ADAM12: variants seen among roughly 807,000 people sequenced by gnomAD.
ADAM12 encodes the protein disintegrin and metalloproteinase domain-containing protein 12.
Under a neutral mutation model 106.4 loss-of-function variants are expected in ADAM12, and 70 were observed. That is an observed-to-expected ratio of 0.66 (90% CI 0.54 to 0.80). The LOEUF is 0.80. ADAM12 is among the 30% of genes least tolerant of loss of function. The probability of loss-of-function intolerance (pLI) is 0.00; values close to 1 mark genes in which losing one functional copy is unlikely to be tolerated. For synonymous variants in ADAM12, 420 were observed against 433.5 expected (o/e 0.97, Z 0.39); for missense variants, 1,010 against 1,171.9 (o/e 0.86, Z 2.02).
At position 126,034,666 on chromosome 10, in the gene ADAM12, C is replaced by T. The variant is rs779425031; in HGVS notation, c.2529+1480G>A. On this transcript the variant is annotated intron_variant, in intron 21 of 22. Coordinates refer to ENST00000448723, the MANE Select transcript of ADAM12 (RefSeq NM_001288973.2). ...AAATCTATATGCTGTCTACAAGAAA[C>T]GCTTTTCAAATGTAATTCCATAGGT... 4.6e-5 allele frequency among the ~76,000 whole-genome samples: 7 copies of T among 152,062 alleles called. No individual in the cohort carries two copies. In the South Asian group the frequency reaches 8.3e-4, roughly 18 times the overall value.
intron 2 of ADAM12, among the ~76,000 whole-genome samples, chr10:126,302,696 T>C (rs545998708): frequency 6.6e-6 from 1 of 152,100 alleles, no homozygotes; most frequent in Non-Finnish European, 1.5e-5. Context: ...AAACCACCAA[T>C]GGTGAGGATG....
At chr10:126,230,317 C>A (rs992914152) in intron 3 of ADAM12, among the ~76,000 whole-genome samples, 1 of 152,180 alleles carries the variant, frequency 6.6e-6, no homozygotes, top group Non-Finnish European at 1.5e-5. Flanking sequence ...ATTTATCTGA[C>A]GTTCAATACA....
At chr10:126,083,368 G>A (rs972689976) in intron 11 of ADAM12, among the ~76,000 whole-genome samples, 5 of 152,192 alleles carry the variant, frequency 3.3e-5, no homozygotes, top group Non-Finnish European at 7.4e-5. Flanking sequence ...CAACCACACC[G>A]TCTCGAGGGC....
At chr10:126,019,931 C>A (rs1953732062) in intron 21 of ADAM12, 106 bp from the exon 22 acceptor site, 6 of 1,364,420 alleles carry the variant, frequency 4.4e-6, no homozygotes, top group Non-Finnish European at 5.9e-6. Flanking sequence ...TGAATATCAT[C>A]CTGTCACCAT....
intron 2 of ADAM12, among the ~76,000 whole-genome samples, chr10:126,328,380 T>C (rs545041204): frequency 6.6e-6 from 1 of 152,348 alleles, no homozygotes; most frequent in African/African-American, 2.4e-5. Flanking sequence ...TTTTGTATAC[T>C]GAAGATATAC....
At chr10:126,062,645 A>G (rs1468204602) in intron 14 of ADAM12, among the ~76,000 whole-genome samples, 1 of 152,120 alleles carries the variant, frequency 6.6e-6, no homozygotes, top group Non-Finnish European at 1.5e-5. Flanking sequence ...TGAGTCACAC[A>G]ATGGGGGTGG....
intron 3 of ADAM12, among the ~76,000 whole-genome samples, chr10:126,237,069 C>T (rs1006510077): frequency 6.6e-6 from 1 of 152,220 alleles, no homozygotes; most frequent in African/African-American, 2.4e-5. Flanking sequence ...CAACCCCTCC[C>T]CCCATTTCCC....
chr10:126,276,084 G>T (rs6597757), intron 3 of ADAM12, among the ~76,000 whole-genome samples: 1 of 151,984 alleles, frequency 6.6e-6, no homozygotes, highest in African/African-American at 2.4e-5. Flanking sequence ...ATTGTTGTAT[G>T]GTATCCTGTT....
intron 3 of ADAM12, among the ~76,000 whole-genome samples, chr10:126,160,185 A>G (rs999154580): frequency 3.9e-5 from 6 of 152,228 alleles, no homozygotes; most frequent in African/African-American, 1.4e-4. Context: ...TGCTCAGCAT[A>G]CAACAGAGTC....
chr10:126,036,939 G>A (rs370715370), intron 20 of ADAM12, among the ~76,000 whole-genome samples: 21 of 152,176 alleles, frequency 1.4e-4, no homozygotes, highest in African/African-American at 3.1e-4. Context: ...ATTTTTTGAC[G>A]TGTTTACACC....
At chr10:126,106,184 G>A (rs930942810) in intron 8 of ADAM12, among the ~76,000 whole-genome samples, 1 of 152,114 alleles carries the variant, frequency 6.6e-6, no homozygotes, top group African/African-American at 2.4e-5. Flanking sequence ...ACTCACAGTA[G>A]GGGGAGTAGA....
At chr10:126,374,811 T>A (rs1042236341) in intron 1 of ADAM12, among the ~76,000 whole-genome samples, 9 of 152,186 alleles carry the variant, frequency 5.9e-5, no homozygotes, top group African/African-American at 1.7e-4. Flanking sequence ...TACATTTTTT[T>A]AAATAATTGA....
chr10:126,346,848 T>G (rs1171641746), intron 1 of ADAM12, among the ~76,000 whole-genome samples: 1 of 152,228 alleles, frequency 6.6e-6, no homozygotes, highest in South Asian at 2.1e-4. Context: ...TTGCAACCCC[T>G]GCCTTTCTTT....
At chr10:126,386,008 G>C (rs1856647987) in intron 1 of ADAM12, among the ~76,000 whole-genome samples, 1 of 152,194 alleles carries the variant, frequency 6.6e-6, no homozygotes, top group Non-Finnish European at 1.5e-5. Context: ...ATGTGGCCTG[G>C]ACTGGGAAAG....
In ADAM12 at chr10:126,261,543, C is replaced by T. The variant is rs1442954066; in HGVS notation, c.260+17372G>A. Among the ~76,000 whole-genome samples the T allele has an allele frequency of 1.3e-5, 2 of 152,086 alleles. 1 individual carries two copies. The highest frequency in any genetic ancestry group is 4.2e-4 in the South Asian group (2 of 4,818). ...TCAATTCAGACAAGCCTATCCTTTG[C>T]GACTGTGTAAAACGGTGGTGGATTT... On this transcript the variant is annotated intron_variant, in intron 3 of 22. Coordinates refer to ENST00000448723, the MANE Select transcript of ADAM12 (RefSeq NM_001288973.2).
intron 3 of ADAM12, among the ~76,000 whole-genome samples, chr10:126,221,410 A>C (rs1958092430): frequency 6.6e-6 from 1 of 150,788 alleles, no homozygotes; most frequent in Non-Finnish European, 1.5e-5. Flanking sequence ...AAAAAAAAGA[A>C]AGAAAGAAAG....
intron 3 of ADAM12, among the ~76,000 whole-genome samples, chr10:126,243,795 A>T (rs1312572700): frequency 6.6e-6 from 1 of 152,154 alleles, no homozygotes; most frequent in Non-Finnish European, 1.5e-5. Context: ...TTCACAATGG[A>T]ACTAGACCAT....
At chr10:126,230,168 T>C (rs888698102) in intron 3 of ADAM12, among the ~76,000 whole-genome samples, 1 of 152,174 alleles carries the variant, frequency 6.6e-6, no homozygotes, top group African/African-American at 2.4e-5. Context: ...CCCAAAGCAC[T>C]CATGGCATTG....
At chr10:126,142,579 C>T (rs548584670) in intron 4 of ADAM12, among the ~76,000 whole-genome samples, 3 of 152,310 alleles carry the variant, frequency 2.0e-5, no homozygotes, top group African/African-American at 4.8e-5. Context: ...ATGGCCATCA[C>T]GAACATGTCA....
Sources: gnomAD v4.1 joint callset for allele counts (sites outside exome capture counted in the v4.1 genomes callset) on GRCh38, gnomAD v4.1.1 for gene constraint, MANE v1.5 for transcripts, NCBI Gene and HGNC (gene_info 2026-07-23, HGNC 2026-07-21) for gene names.